Variants in ABAT observed in about 807,000 individuals in gnomAD.
ABAT encodes 4-aminobutyrate aminotransferase, mitochondrial.
A neutral mutation model predicts 64.6 loss-of-function variants in ABAT; 45 were observed. The ratio of observed to expected loss-of-function variants is 0.70; its 90% CI spans 0.55 to 0.89. ABAT has a LOEUF of 0.89. Ranked by LOEUF, ABAT falls within the 40% of genes least tolerant of loss-of-function variation. The pLI, the probability that ABAT is intolerant of heterozygous loss-of-function variation, is 0.00. For synonymous variants in ABAT, 297 were observed against 250.5 expected, an observed-to-expected ratio of 1.19 and a Z score of -1.75; for missense variants, 633 against 658.4, an observed-to-expected ratio of 0.96 and a Z score of 0.42.
At chr16:8,751,373 C>A (rs762003147) in intron 5 of ABAT, among the ~76,000 whole-genome samples, 3 of 152,092 alleles carry the variant, frequency 2.0e-5, no homozygotes, top group Non-Finnish European at 4.4e-5. Context: ...CAGGTGTGAG[C>A]CACTGAACCC....
chr16:8,748,238 T>A, intron 4 of ABAT, 101 bp downstream of exon 4: 1 of 1,162,234 alleles, frequency 8.6e-7, no homozygotes, highest in Non-Finnish European at 1.3e-6. Flanking sequence ...AAAAAAAATG[T>A]AGTTGACTTT....
chr16:8,688,189 C>T (rs953611290), intron 1 of ABAT, among the ~76,000 whole-genome samples: 8 of 152,080 alleles, frequency 5.3e-5, no homozygotes, highest in Non-Finnish European at 1.2e-4. Context: ...CCGCACCCGG[C>T]CAAAAGTTGA....
At chr16:8,694,803 C>T (rs951040637) in intron 1 of ABAT, among the ~76,000 whole-genome samples, 1 of 152,182 alleles carries the variant, frequency 6.6e-6, no homozygotes, top group South Asian at 2.1e-4. Context: ...CTGAGACATC[C>T]CTGGAGTAAC....
intron 1 of ABAT, among the ~76,000 whole-genome samples, chr16:8,690,081 C>T (rs918850176): frequency 2.6e-5 from 4 of 152,192 alleles, no homozygotes; most frequent in Non-Finnish European, 4.4e-5. Flanking sequence ...CCTGGAGTGA[C>T]ACATCAGTTT....
rs1349338739 is a variant in ABAT at position 8,782,225 on chromosome 16, G to A, written c.*795G>A. The A allele has an allele frequency of 6.5e-6, 1 of 152,758 alleles. No individual in the cohort carries two copies. Among genetic ancestry groups the A allele is most frequent in the Non-Finnish European group, 1.5e-5 (1 of 68,502 alleles). 9.5% of individuals were successfully genotyped at this position (152,758 alleles called of 1,614,324 possible). On this transcript the variant is annotated 3_prime_UTR_variant, in exon 16 of 16. Coordinates refer to ENST00000268251, the MANE Select transcript of ABAT (RefSeq NM_020686.6). ...TGGACCTGGGTGGGAGGAAACTGTA[G>A]CCTGAGTGTCCACAGGGACACACGT...
At chr16:8,720,554 CG>C (rs2058339169) in intron 1 of ABAT, among the ~76,000 whole-genome samples, 1 of 152,168 alleles carries the variant, frequency 6.6e-6, no homozygotes, top group African/African-American at 2.4e-5. Context: ...CAGCTGAAGT[CG>C]GAGGAGAAAA....
intron 2 of ABAT, 116 bp from the exon 3 acceptor site, chr16:8,745,885 G>C: frequency 2.1e-6 from 2 of 945,564 alleles, no homozygotes; most frequent in South Asian, 1.4e-5. Context: ...GGTCTGGCTG[G>C]GATGAGGCTA....
At chr16:8,768,057 C>G in intron 9 of ABAT, 136 bp from the exon 10 acceptor site, 1 of 887,640 alleles carries the variant, frequency 1.1e-6, no homozygotes, top group Non-Finnish European at 1.9e-6. Flanking sequence ...CCCATTGGTC[C>G]CATGGGTAAC....
At chr16:8,718,313 G>A (rs1408149871) in intron 1 of ABAT, among the ~76,000 whole-genome samples, 2 of 152,128 alleles carry the variant, frequency 1.3e-5, no homozygotes, top group Non-Finnish European at 2.9e-5. Flanking sequence ...TATGAATAAA[G>A]TACAGATATA....
chr16:8,719,991 T>A (rs530637941), intron 1 of ABAT, among the ~76,000 whole-genome samples: 1 of 152,178 alleles, frequency 6.6e-6, no homozygotes, highest in Non-Finnish European at 1.5e-5. Flanking sequence ...TCTGTATTTT[T>A]TTGTAGAGTT....
intron 5 of ABAT, among the ~76,000 whole-genome samples, chr16:8,752,349 C>G (rs535716080): frequency 6.6e-6 from 1 of 152,238 alleles, no homozygotes; most frequent in Non-Finnish European, 1.5e-5. Context: ...CCTGGCTCTA[C>G]TATATATTAG....
rs577282645 is a variant in ABAT at position 8,764,666 on chromosome 16, G to T, written c.448-72G>T. The T allele has an allele frequency of 1.4e-6, 2 of 1,410,710 alleles. No homozygotes were observed. The allele number at this position is 1,410,710 out of a possible 1,614,324, so 87.4% of individuals were successfully genotyped here. A position where few individuals can be genotyped will look rare whatever the true frequency, so the allele number is the denominator to read the frequency against. Reference sequence around the variant, plus strand: ...CCGGTACGGCCCCTGCGAAGATTCAGCTCCAGCCAGGGGAAGCGGGAGGAC... The same window carrying T: ...CCGGTACGGCCCCTGCGAAGATTCATCTCCAGCCAGGGGAAGCGGGAGGAC... On this transcript the variant is annotated intron_variant, in intron 7 of 15. Coordinates refer to ENST00000268251, the MANE Select transcript of ABAT (RefSeq NM_020686.6). This position sits in a 1 kb window ranked among gnomAD's most constrained non-coding sequence, Gnocchi z 4.2.
intron 1 of ABAT, among the ~76,000 whole-genome samples, chr16:8,682,826 G>T (rs901363464): frequency 1.3e-5 from 2 of 152,178 alleles, no homozygotes; most frequent in African/African-American, 4.8e-5. Context: ...TCTTCTAGGA[G>T]CTAGCTAGAA....
intron 1 of ABAT, among the ~76,000 whole-genome samples, chr16:8,726,980 G>C (rs187827405): frequency 6.6e-6 from 1 of 152,142 alleles, no homozygotes; most frequent in African/African-American, 2.4e-5. Flanking sequence ...CTTGCCATTT[G>C]TATGTCTTCT....
At chr16:8,708,950 C>G (rs2058010554) in intron 1 of ABAT, among the ~76,000 whole-genome samples, 1 of 152,164 alleles carries the variant, frequency 6.6e-6, no homozygotes, top group Non-Finnish European at 1.5e-5. Flanking sequence ...TCAGTCCCAC[C>G]TGAGCTACAT....
chr16:8,766,371 C>A, intron 9 of ABAT, 101 bp downstream of exon 9: 1 of 1,199,722 alleles, frequency 8.3e-7, no homozygotes, highest in Non-Finnish European at 1.2e-6. Flanking sequence ...TAGGAAGGGC[C>A]AGGCCAGGCG....
intron 1 of ABAT, among the ~76,000 whole-genome samples, chr16:8,692,869 T>G (rs2057616773): frequency 1.3e-5 from 2 of 152,190 alleles, no homozygotes; most frequent in Admixed American, 1.3e-4. Context: ...CTTTTTCTTT[T>G]TTGAGATGGA....
intron 11 of ABAT, among the ~76,000 whole-genome samples, chr16:8,770,364 C>G (rs375292639): frequency 9.9e-5 from 15 of 152,240 alleles, no homozygotes; most frequent in East Asian, 9.7e-4. Context: ...GTCTCGATCT[C>G]CTGACCTTGT....
intron 2 of ABAT, among the ~76,000 whole-genome samples, chr16:8,744,246 C>T (rs753060882): frequency 1.3e-5 from 2 of 152,112 alleles, no homozygotes; most frequent in Non-Finnish European, 2.9e-5. Flanking sequence ...AAGCATGATG[C>T]TGGCATGTGC....
Sources: gnomAD v4.1 joint callset for allele counts (sites outside exome capture counted in the v4.1 genomes callset) on GRCh38, gnomAD v4.1.1 for gene constraint, Gnocchi (gnomAD v3.1) non-coding constraint, MANE v1.5 for transcripts, NCBI Gene and HGNC (gene_info 2026-07-23, HGNC 2026-07-21) for gene names.